EPSTI1: variants seen among roughly 807,000 people sequenced by gnomAD.
The protein encoded by EPSTI1 is epithelial stromal interaction 1, also known as epithelial-stromal interaction protein 1.
In EPSTI1, 66 loss-of-function variants were observed where a neutral mutation model predicts 49.9. The ratio of observed to expected loss-of-function variants is 1.32; its 90% CI spans 1.08 to 1.62. The LOEUF is 1.62. Among genes scored for constraint, EPSTI1 ranks in the 40% most tolerant of loss-of-function variants. The pLI is 0.00. For missense variants in EPSTI1, 394 were observed against 365.5 expected (o/e 1.08, Z -0.64); for synonymous variants, 137 against 130.7 (o/e 1.05, Z -0.33).
chr13:42,931,016 A>G (rs2038345131), intron 6 of EPSTI1, among the ~76,000 whole-genome samples: 1 of 152,202 alleles, frequency 6.6e-6, no homozygotes, highest in Non-Finnish European at 1.5e-5. Flanking sequence ...AGGAGCATAC[A>G]TCTGCATTCT....
chr13:42,939,109 T>A (rs1175389806), intron 6 of EPSTI1, among the ~76,000 whole-genome samples: 2 of 152,084 alleles, frequency 1.3e-5, no homozygotes, highest in African/African-American at 2.4e-5. Flanking sequence ...TTCTACAGCT[T>A]CCTCATCTCT....
chr13:42,905,675 C>G (rs956442785), intron 8 of EPSTI1, among the ~76,000 whole-genome samples: 13 of 152,112 alleles, frequency 8.5e-5, no homozygotes, highest in African/African-American at 3.1e-4. Context: ...TTGTCACACG[C>G]CAACCATTTT....
chr13:42,921,253 A>G (rs2153419949), intron 7 of EPSTI1, among the ~76,000 whole-genome samples: 1 of 152,338 alleles, frequency 6.6e-6, no homozygotes, highest in Admixed American at 6.5e-5. Context: ...CAGGGGAAAC[A>G]GAGAAAATCC....
At chr13:42,957,574 A>T (rs891804787) in intron 5 of EPSTI1, among the ~76,000 whole-genome samples, 21 of 152,128 alleles carry the variant, frequency 1.4e-4, no homozygotes, top group Non-Finnish European at 1.5e-4. Context: ...TTTTAATTTT[A>T]TTTATGTATT....
rs2040206925 is a variant in EPSTI1 at position 42,992,083 on chromosome 13, G to C, written c.83C>G (p.Ser28Cys). The C allele has an allele frequency of 6.2e-7, 1 of 1,613,252 alleles. No homozygotes were observed. Among genetic ancestry groups the C allele is most frequent in the Admixed American group, 1.7e-5 (1 of 60,018 alleles). The part of the protein sequence containing the change: ...SRPTRDPQDP[S>C]GRQGELSPVE... ...GGGGCTCAGCTCCCCTTGCCGCCCA[G>C]AAGGGTCCTGGGGATCCCGGGTCGG... Residue 28 changes from serine (S) to cysteine (C), a missense_variant, in exon 1 of 11, where the codon TCT (serine) becomes TGT (cysteine). Transcript: ENST00000313624.
At chr13:42,946,866 C>G (rs890739814) in intron 6 of EPSTI1, among the ~76,000 whole-genome samples, 2 of 152,204 alleles carry the variant, frequency 1.3e-5, no homozygotes, top group African/African-American at 2.4e-5. Flanking sequence ...GGGTTACATG[C>G]TCCTTATGAG....
At chr13:42,955,590 T>C (rs561202849) in intron 5 of EPSTI1, among the ~76,000 whole-genome samples, 12 of 152,138 alleles carry the variant, frequency 7.9e-5, no homozygotes, top group African/African-American at 2.9e-4. Flanking sequence ...TCATCTGAGG[T>C]CAGGAGTTCA....
chr13:42,983,563 CAAAAAAAAAAAA>C (rs56259281), intron 1 of EPSTI1, among the ~76,000 whole-genome samples: 294 of 95,482 alleles, frequency 3.1e-3, no homozygotes, highest in Admixed American at 5.3e-3. Flanking sequence ...GACTCCATCT[CAAAAAAAAAAAA>C]AAAAAAAAAA....
intron 1 of EPSTI1, among the ~76,000 whole-genome samples, chr13:42,987,683 C>A (rs896137883): frequency 3.9e-5 from 6 of 152,106 alleles, no homozygotes; most frequent in African/African-American, 1.4e-4. Context: ...AGATTGGATA[C>A]CCCTGCTTTA....
chr13:42,917,557 T>A lies in EPSTI1; in HGVS notation c.725A>T (p.Asp242Val). 1 of 1,589,708 alleles carries A rather than the reference T, an allele frequency of 6.3e-7. No homozygotes were observed. Among genetic ancestry groups the A allele is most frequent in the Non-Finnish European group, 8.6e-7 (1 of 1,165,522 alleles). Residue 242 changes from aspartate (D) to valine (V), a missense_variant, in exon 8 of 11, where the codon GAT (aspartate) becomes GTT (valine). By Grantham distance (152) the Asp-to-Val change is radical. Coordinates refer to ENST00000313624, the MANE Select transcript of EPSTI1 (RefSeq NM_033255.5). ...EENRKLQKMK[D>V]EQHQKSELLE... ...TGTAAGTACCTTTTGATGTTGTTCA[T>A]CCTTCATCTTTTGCAATTTTCTGTT... is the stretch of plus-strand genomic sequence containing the variant.
intron 8 of EPSTI1, among the ~76,000 whole-genome samples, chr13:42,914,502 G>A (rs2037775355): frequency 6.6e-6 from 1 of 152,102 alleles, no homozygotes; most frequent in Admixed American, 6.5e-5. Context: ...GAGAAGATAG[G>A]AATTACAAAA....
intron 10 of EPSTI1, among the ~76,000 whole-genome samples, chr13:42,889,677 G>A (rs893726696): frequency 1.3e-5 from 2 of 152,012 alleles, no homozygotes; most frequent in Non-Finnish European, 2.9e-5. Flanking sequence ...TATTAATTTT[G>A]TCCACTTGTT....
At chr13:42,958,300 G>A (rs2039336467) in intron 5 of EPSTI1, among the ~76,000 whole-genome samples, 1 of 152,096 alleles carries the variant, frequency 6.6e-6, no homozygotes, top group Non-Finnish European at 1.5e-5. Flanking sequence ...TGACATTTGG[G>A]AACCAAATAT....
chr13:42,891,777 C>T (rs2037041904), intron 10 of EPSTI1, among the ~76,000 whole-genome samples: 1 of 152,178 alleles, frequency 6.6e-6, no homozygotes, highest in African/African-American at 2.4e-5. Context: ...GCCTGGGATA[C>T]ACCACTGAAC....
chr13:42,907,918 A>G (rs1195191368), intron 8 of EPSTI1, among the ~76,000 whole-genome samples: 1 of 152,226 alleles, frequency 6.6e-6, no homozygotes, highest in East Asian at 1.9e-4. Flanking sequence ...AATGGAACAG[A>G]ATAGAGAGTC....
Position 42,991,996 on chromosome 13 carries a change from A to C in EPSTI1, c.170T>G (p.Val57Gly). The C allele has an allele frequency of 6.2e-7, 1 of 1,613,340 alleles. No homozygotes were observed. ...APKGPSRESV[V>G]HAGQRRTSAY... The stretch of plus-strand genomic sequence containing the variant: ...TACTCACCGCCTCTGGCCCGCGTGC[A>C]CGACGCTCTCCCGCGAAGGGCCCTT... Residue 57 changes from valine to glycine, a missense_variant, in exon 1 of 11, where the codon GTG becomes GGG. Val to Gly is a moderately radical substitution (Grantham distance 109). Coordinates refer to ENST00000313624, the MANE Select transcript of EPSTI1 (RefSeq NM_033255.5).
At chr13:42,919,369 T>C in intron 7 of EPSTI1, 1 of 1,597,790 alleles carries the variant, frequency 6.3e-7, no homozygotes, top group Non-Finnish European at 8.6e-7. Flanking sequence ...AATTGATCAC[T>C]ATTTTTCTTA....
chr13:42,924,523 G>A (rs1349934063), intron 7 of EPSTI1, among the ~76,000 whole-genome samples: 1 of 152,194 alleles, frequency 6.6e-6, no homozygotes, highest in Non-Finnish European at 1.5e-5. Flanking sequence ...CGAACGGAAA[G>A]GAAGACCAGC....
chr13:42,975,636 C>T (rs565512835), intron 1 of EPSTI1, among the ~76,000 whole-genome samples: 5 of 152,314 alleles, frequency 3.3e-5, no homozygotes, highest in African/African-American at 9.6e-5. Flanking sequence ...AAAAGTGCTG[C>T]TTCTTTCAGG....
Sources: allele counts gnomAD v4.1 joint callset (sites outside exome capture counted in the v4.1 genomes callset), GRCh38; gene constraint gnomAD v4.1.1; transcripts MANE v1.5; gene names NCBI Gene and HGNC (gene_info 2026-07-23, HGNC 2026-07-21).